The following CHEK2 variants were observed in gnomAD, a reference collection of about 807,000 sequenced individuals.
The protein encoded by CHEK2 is checkpoint kinase 2, also known as serine/threonine-protein kinase Chk2.
CHEK2 carries 71 observed loss-of-function variants against 69.1 expected under a neutral mutation model. That is an observed-to-expected ratio of 1.03 (90% confidence interval 0.85 to 1.25). CHEK2 has a LOEUF of 1.25. Ranked by LOEUF, CHEK2 falls within the 50% of genes most tolerant of loss-of-function variation. The probability of loss-of-function intolerance (pLI) is 0.00; values close to 1 mark genes in which losing one functional copy is unlikely to be tolerated. For missense variants in CHEK2, 664 were observed against 649.6 expected (o/e 1.02, Z -0.24); for synonymous variants, 189 against 226.9 (o/e 0.83, Z 1.50).
intron 1 of CHEK2, among the ~76,000 whole-genome samples, chr22:28,738,756 G>T (rs571850796): frequency 6.6e-6 from 1 of 152,222 alleles, no homozygotes; most frequent in South Asian, 2.1e-4. Context: ...GGGTTTTTAC[G>T]TAAGACCTCA....
At position 28,709,989 on chromosome 22, in the gene CHEK2, C is replaced by CT; in HGVS notation, c.846+16_846+17insA. 1.5e-6 allele frequency: 2 copies of CT among 1,297,252 alleles called. No homozygotes were observed. The highest frequency in any genetic ancestry group is 2.2e-6 in the Non-Finnish European group (2 of 895,398). 80.4% of individuals were successfully genotyped at this position (1,297,252 alleles called of 1,614,324 possible). A position where few individuals can be genotyped will look rare whatever the true frequency, so the allele number is the denominator to read the frequency against. On this transcript the variant is annotated intron_variant, in intron 7 of 14. Transcript: ENST00000404276. ...GAGATAGATAAATCTAAGTATGAGT[C>CT]ATATAATAATACTTACATGATTTAG...
Position 28,737,334 on chromosome 22 carries a change from A to T in CHEK2, c.-6-2607T>A, listed in dbSNP as rs139428507. ...ATTGAGATCTTTCACCTTTTCAGTAAAAGGAAACACTTTACAGCTTCTCTT... is the reference window on the plus strand; with the variant it reads ...ATTGAGATCTTTCACCTTTTCAGTATAAGGAAACACTTTACAGCTTCTCTT... On this transcript the variant is annotated intron_variant, in intron 1 of 14. Coordinates refer to ENST00000404276, the MANE Select transcript of CHEK2 (RefSeq NM_007194.4). The T allele has an allele frequency of 3.0e-3, 1,410 of 467,182 alleles. 21 individuals are homozygous for T. The highest frequency in any genetic ancestry group is 0.027 in the African/African-American group (1,328 of 49,104). 28.9% of individuals were successfully genotyped at this position (467,182 alleles called of 1,614,324 possible).
At chr22:28,702,172 T>TGTGTGTGTGTGTGTG (rs1601746868) in intron 8 of CHEK2, among the ~76,000 whole-genome samples, 1 of 148,348 alleles carries the variant, frequency 6.7e-6, no homozygotes, top group African/African-American at 2.5e-5. Context: ...TGTGTGTGTG[T>TGTGTGTGTGTGTGTG]TTTGTACAGA....
intron 9 of CHEK2, among the ~76,000 whole-genome samples, chr22:28,698,228 T>TAAAAAAAAAAAAAAAAAAAAAAAAAAAAA (rs398040472): frequency 2.4e-5 from 2 of 81,898 alleles, no homozygotes; most frequent in East Asian, 4.5e-4. Context: ...CTATCTTTAC[T>TAAAAAAAAAAAAAAAAAAAAAAAAAAAAA]AAAAAAAAAA....
chr22:28,693,907 A>T (rs887148004), intron 13 of CHEK2, 125 bp downstream of exon 13: 3 of 752,600 alleles, frequency 4.0e-6, no homozygotes, highest in Non-Finnish European at 7.2e-6. Context: ...GATACCCCCC[A>T]TACATCTAAA....
intron 1 of CHEK2, chr22:28,737,425 C>A (rs1284497836): frequency 2.8e-6 from 1 of 352,368 alleles, no homozygotes; most frequent in South Asian, 2.4e-5. Flanking sequence ...GTGACATGAA[C>A]ACAAGCACTG....
At chr22:28,710,135 C>T (rs2145935801) in intron 6 of CHEK2, 76 bp from the exon 7 acceptor site, 2 of 1,042,658 alleles carry the variant, frequency 1.9e-6, no homozygotes, top group Non-Finnish European at 2.9e-6. Context: ...CAGTTAAACT[C>T]AGTTGACTCA....
intron 5 of CHEK2, among the ~76,000 whole-genome samples, chr22:28,717,718 T>A (rs1178632749): frequency 6.6e-6 from 1 of 151,288 alleles, no homozygotes; most frequent in African/African-American, 2.4e-5. Context: ...CTACTAAAAA[T>A]ACAAAAAAAT....
At position 28,737,242 on chromosome 22, in the gene CHEK2, TAGA is replaced by T. The variant is rs557659102; in HGVS notation, c.-6-2518_-6-2516del. 301 of 466,286 alleles carry T rather than the reference TAGA, an allele frequency of 6.5e-4. 2 individuals are homozygous for T. The highest frequency in any genetic ancestry group is 7.4e-4 in the Admixed American group (28 of 37,950). The allele number at this position is 466,286 out of a possible 1,614,324, so 28.9% of individuals were successfully genotyped here. On this transcript the variant is annotated intron_variant, in intron 1 of 14. Transcript: ENST00000404276. ...TTTTCCTTCTTCACAATTTCACAAA[TAGA>T]AGATTAGTTCTTACCATAGACGTTA...
At chr22:28,699,659 G>A (rs780286597) in intron 9 of CHEK2, 179 bp downstream of exon 9, 12 of 628,450 alleles carry the variant, frequency 1.9e-5, no homozygotes, top group Non-Finnish European at 3.1e-5. Context: ...ACCGCGCCTC[G>A]CCAGTGAGAG....
intron 5 of CHEK2, among the ~76,000 whole-genome samples, chr22:28,718,068 G>GA (rs997671196): frequency 1.2e-4 from 19 of 152,102 alleles, no homozygotes; most frequent in Admixed American, 9.8e-4. Flanking sequence ...GTGACAGAGT[G>GA]AAACTCCGTC....
intron 5 of CHEK2, among the ~76,000 whole-genome samples, chr22:28,713,109 C>A (rs1004493746): frequency 6.6e-6 from 1 of 152,210 alleles, no homozygotes; most frequent in South Asian, 2.1e-4. Context: ...TGTCTGGATT[C>A]TTTCACTTAG....
At chr22:28,727,013 C>T (rs938561587) in intron 2 of CHEK2, among the ~76,000 whole-genome samples, 1 of 151,954 alleles carries the variant, frequency 6.6e-6, no homozygotes, top group East Asian at 1.9e-4. Context: ...ACAACACTAT[C>T]TGCCTTTAGG....
Position 28,696,997 on chromosome 22 carries a change from A to C in CHEK2, c.1009-10T>G, listed in dbSNP as rs1569116466. ...CGTTTTCATGAAGGTACTACACAGA[A>C]AGGCAGGCATGACCCTCAGATTCAT... On this transcript the variant is annotated splice_polypyrimidine_tract_variant and intron_variant, in intron 9 of 14. Coordinates refer to ENST00000404276, the MANE Select transcript of CHEK2 (RefSeq NM_007194.4). 6.3e-7 allele frequency: 1 copy of C among 1,582,368 alleles called. No individual in the cohort carries two copies. Among genetic ancestry groups the C allele is most frequent in the Non-Finnish European group, 8.7e-7 (1 of 1,151,240 alleles).
intron 1 of CHEK2, among the ~76,000 whole-genome samples, chr22:28,735,688 C>T (rs2146167574): frequency 6.6e-6 from 1 of 151,284 alleles, no homozygotes; most frequent in South Asian, 2.1e-4. Flanking sequence ...TCAAGACCAG[C>T]CTGGCCAACA....
In CHEK2 at chr22:28,695,219, G is replaced by A. The variant is rs137853011; in HGVS notation, c.1283C>T (p.Ser428Phe). The A allele has an allele frequency of 2.8e-4, 444 of 1,610,148 alleles. 3 individuals carry two copies. The highest frequency in any genetic ancestry group is 7.1e-5 in the Non-Finnish European group (83 of 1,176,624). ...CAGTGACACTTGAGTCCTATGCTCAGAGAAAGGTGGATACCCACTAAGGCT... is the reference window on the plus strand; with the variant it reads ...CAGTGACACTTGAGTCCTATGCTCAAAGAAAGGTGGATACCCACTAAGGCT... ...FICLSGYPPFSEHRTQVSLKD... is the reference protein window; with the variant it reads ...FICLSGYPPFFEHRTQVSLKD... Residue 428 changes from serine (S) to phenylalanine (F), a missense_variant, in exon 12 of 15, where the codon TCT (serine) becomes TTT (phenylalanine). Coordinates refer to ENST00000404276, the MANE Select transcript of CHEK2 (RefSeq NM_007194.4).
intron 3 of CHEK2, 22 bp downstream of exon 3, chr22:28,725,221 T>A (rs1165116080): frequency 6.2e-7 from 1 of 1,614,102 alleles, no homozygotes; most frequent in Non-Finnish European, 8.5e-7. Flanking sequence ...CTCTCCTAGA[T>A]ACATGGGTAT....
rs2146006962 is a variant in CHEK2, at chr22:28,719,468, G to A, written c.610C>T (p.Leu204=). The A allele has an allele frequency of 6.3e-7, 1 of 1,588,340 alleles. No individual in the cohort carries two copies. Residue 204 remains leucine (L), a synonymous_variant, in exon 5 of 15, where the codon CTG becomes TTG. Transcript: ENST00000404276. ...SRNKVFVFFD[L]TVDDQSVYPK... ...TAAACTGACTGATCATCTACAGTCA[G>A]ATCAAAAAAGACAAAAACTAAGGAA...
intron 1 of CHEK2, among the ~76,000 whole-genome samples, chr22:28,739,814 G>T (rs2054506542): frequency 6.6e-6 from 1 of 152,140 alleles, no homozygotes; most frequent in South Asian, 2.1e-4. Context: ...TGTATAGAGT[G>T]CTCTTGACAT....
Sources: allele counts gnomAD v4.1 joint callset (sites outside exome capture counted in the v4.1 genomes callset), GRCh38; gene constraint gnomAD v4.1.1; transcripts MANE v1.5; gene names NCBI Gene and HGNC (gene_info 2026-07-23, HGNC 2026-07-21).